METTL15: variants seen among roughly 807,000 people sequenced by gnomAD.
METTL15 encodes the protein methyltransferase 15, mitochondrial 12S rRNA N4-cytidine.
In METTL15, 34 loss-of-function variants were observed where a neutral mutation model predicts 38.3. The ratio of observed to expected loss-of-function variants is 0.89; its 90% confidence interval spans 0.68 to 1.18. The LOEUF is 1.18. METTL15 is among the 50% of genes most tolerant of loss of function. METTL15 has a pLI of 0.00. For synonymous variants in METTL15, 162 were observed against 170.9 expected, an observed-to-expected ratio of 0.95 and a Z score of 0.41; for missense variants, 438 against 498.4, an observed-to-expected ratio of 0.88 and a Z score of 1.15.
intron 6 of METTL15, among the ~76,000 whole-genome samples, chr11:28,486,752 G>A (rs1476988765): frequency 6.6e-6 from 1 of 152,132 alleles, no homozygotes. Context: ...GTGTCATTTT[G>A]CCATGCCAGG....
chr11:28,172,180 C>A (rs1296645896), intron 3 of METTL15, among the ~76,000 whole-genome samples: 2 of 151,326 alleles, frequency 1.3e-5, no homozygotes, highest in East Asian at 1.9e-4. Context: ...TTTTTTCTTT[C>A]AAAACAAGAC....
rs1272835418 is a variant in METTL15, at chr11:28,452,250, AC to A, written c.*424+27887del. 9.2e-5 allele frequency among the ~76,000 whole-genome samples: 14 copies of A among 152,248 alleles called. 1 individual carries two copies. The highest frequency in any genetic ancestry group is 3.4e-4 in the African/African-American group (14 of 41,466). On this transcript the variant is annotated intron_variant and NMD_transcript_variant, in intron 6 of 7. Transcript: ENST00000532947. Reference sequence around the variant, plus strand: ...AGCACCTGTCTTCAGCCTGAAAGAAACATTATATTCTGGTTACTTGTCCAAT... The same window carrying A: ...AGCACCTGTCTTCAGCCTGAAAGAAAATTATATTCTGGTTACTTGTCCAAT...
At chr11:28,325,254 C>T (rs1849596242) in intron 6 of METTL15, among the ~76,000 whole-genome samples, 1 of 152,186 alleles carries the variant, frequency 6.6e-6, no homozygotes, top group South Asian at 2.1e-4. Context: ...TATGCCTTTG[C>T]TCTGAACTCA....
intron 6 of METTL15, among the ~76,000 whole-genome samples, chr11:28,297,672 A>G (rs545873652): frequency 4.9e-4 from 74 of 152,274 alleles, no homozygotes; most frequent in Admixed American, 4.4e-3. Context: ...AGGCAAAAAT[A>G]TAACTCTTGC....
chr11:28,438,343 C>T (rs1409098980), intron 6 of METTL15, among the ~76,000 whole-genome samples: 3 of 152,234 alleles, frequency 2.0e-5, no homozygotes, highest in Non-Finnish European at 2.9e-5. Context: ...CCACGTAGGA[C>T]TGGGCTTGTC....
intron 5 of METTL15, among the ~76,000 whole-genome samples, chr11:28,375,102 A>G (rs1850292609): frequency 2.7e-5 from 4 of 149,832 alleles, no homozygotes; most frequent in African/African-American, 9.9e-5. Context: ...ATCAATGTTC[A>G]TCAAGGATAT....
intron 4 of METTL15, among the ~76,000 whole-genome samples, chr11:28,255,385 A>G (rs1033217806): frequency 4.3e-4 from 65 of 152,214 alleles, no homozygotes; most frequent in Admixed American, 5.2e-4. Flanking sequence ...ATAAGATCAT[A>G]TCATCTGCAA....
intron 6 of METTL15, among the ~76,000 whole-genome samples, chr11:28,322,356 A>T (rs1013269264): frequency 6.6e-6 from 1 of 152,116 alleles, no homozygotes; most frequent in African/African-American, 2.4e-5. Flanking sequence ...AAAATGGATA[A>T]AGGATTTGTT....
chr11:28,259,754 C>G (rs1417594915), intron 4 of METTL15, among the ~76,000 whole-genome samples: 1 of 152,132 alleles, frequency 6.6e-6, no homozygotes, highest in African/African-American at 2.4e-5. Flanking sequence ...TTTTTCCTAC[C>G]TCCTCAGTGC....
intron 4 of METTL15, among the ~76,000 whole-genome samples, chr11:28,258,857 G>A (rs1463102505): frequency 1.3e-5 from 2 of 152,114 alleles, no homozygotes; most frequent in Non-Finnish European, 2.9e-5. Context: ...GAGCCTACTT[G>A]CTACTCTGCC....
chr11:28,343,433 A>C (rs1014477872), intron 3 of METTL15, among the ~76,000 whole-genome samples: 1 of 152,194 alleles, frequency 6.6e-6, no homozygotes, highest in Non-Finnish European at 1.5e-5. Context: ...GATGACTCCC[A>C]GATCTACGAC....
chr11:28,329,473 T>C (rs1175847927), intron 6 of METTL15, among the ~76,000 whole-genome samples: 1 of 152,128 alleles, frequency 6.6e-6, no homozygotes, highest in Non-Finnish European at 1.5e-5. Context: ...AATCAGCTTG[T>C]TAATTTGTAC....
At chr11:28,504,329 G>C (rs995266829) in intron 6 of METTL15, among the ~76,000 whole-genome samples, 2 of 152,050 alleles carry the variant, frequency 1.3e-5, no homozygotes, top group African/African-American at 2.4e-5. Context: ...AGTAGGGCTG[G>C]GGCAAACTAC....
rs536424335 is a variant in METTL15 at position 28,117,621 on chromosome 11, C to T, written c.270+4017C>T. Among the ~76,000 whole-genome samples the T allele has an allele frequency of 4.6e-5, 7 of 152,162 alleles. No homozygotes were observed. In the East Asian group the frequency reaches 1.2e-3, roughly 25 times the overall value. On this transcript the variant is annotated intron_variant, in intron 3 of 6. Transcript: ENST00000407364. ...AATGTTGGTTTATTTTGGCATTTTC[C>T]TTTTTCTGATTTGAGTTGGGTTTTC...
intron 6 of METTL15, among the ~76,000 whole-genome samples, chr11:28,307,699 A>T (rs1324254342): frequency 6.6e-6 from 1 of 151,980 alleles, no homozygotes; most frequent in Non-Finnish European, 1.5e-5. Flanking sequence ...CACCTATTTC[A>T]TACACATATT....
intron 6 of METTL15, among the ~76,000 whole-genome samples, chr11:28,463,805 C>A (rs1002245397): frequency 1.3e-4 from 20 of 152,140 alleles, no homozygotes; most frequent in Admixed American, 9.8e-4. Flanking sequence ...TTAATTTATG[C>A]TACTGCATAT....
At chr11:28,257,267 T>G (rs961044966) in intron 4 of METTL15, among the ~76,000 whole-genome samples, 15 of 152,226 alleles carry the variant, frequency 9.9e-5, no homozygotes, top group Non-Finnish European at 2.2e-4. Flanking sequence ...CTATTGGAGC[T>G]CCATTGTATG....
intron 6 of METTL15, among the ~76,000 whole-genome samples, chr11:28,454,181 T>G (rs1438603598): frequency 2.6e-5 from 4 of 152,212 alleles, no homozygotes; most frequent in Non-Finnish European, 5.9e-5. Flanking sequence ...ACCAAAGATT[T>G]ATCTAAGTGT....
At chr11:28,257,585 C>CT (rs200121782) in intron 4 of METTL15, among the ~76,000 whole-genome samples, 1,575 of 151,928 alleles carry the variant, frequency 0.01, 10 homozygotes, top group Middle Eastern at 0.031. Flanking sequence ...TTTTTTAATT[C>CT]TTTTTTTTGT....
Sources: allele counts gnomAD v4.1 joint callset (sites outside exome capture counted in the v4.1 genomes callset), GRCh38; gene constraint gnomAD v4.1.1; transcripts MANE v1.5; gene names NCBI Gene and HGNC (gene_info 2026-07-23, HGNC 2026-07-21).